Variants in IMMT observed in about 807,000 individuals in gnomAD.
The protein encoded by IMMT is MICOS complex subunit MIC60.
Under a neutral mutation model 92.7 loss-of-function variants are expected in IMMT, and 40 were observed. The observed-to-expected ratio is 0.43, with a 90% CI of 0.34 to 0.56. The LOEUF is 0.56. Among genes scored for constraint, IMMT ranks in the 20% least tolerant of loss-of-function variants. IMMT has a pLI of 0.03. For missense variants in IMMT, 831 were observed against 912.1 expected (o/e 0.91, Z 1.14); for synonymous variants, 322 against 336.1 (o/e 0.96, Z 0.46).
At chr2:86,188,888 G>A (rs1233936034) in intron 1 of IMMT, among the ~76,000 whole-genome samples, 1 of 152,038 alleles carries the variant, frequency 6.6e-6, no homozygotes, top group Non-Finnish European at 1.5e-5. Flanking sequence ...TCCCTCTGAT[G>A]CACAAAAATT....
At chr2:86,178,155 A>C (rs1677562398) in intron 3 of IMMT, among the ~76,000 whole-genome samples, 1 of 151,806 alleles carries the variant, frequency 6.6e-6, no homozygotes, top group South Asian at 2.1e-4. Context: ...CTCTACTAAA[A>C]AAAATACAAA....
chr2:86,165,082 G>C (rs1165356588), intron 7 of IMMT, among the ~76,000 whole-genome samples: 1 of 152,160 alleles, frequency 6.6e-6, no homozygotes, highest in East Asian at 1.9e-4. Flanking sequence ...TCTGTTAACT[G>C]CTACCATTAG....
chr2:86,144,481 A>C lies in IMMT; in HGVS notation c.2064T>G (p.Phe688Leu). 6.2e-7 allele frequency: 1 copy of C among 1,613,976 alleles called. No homozygotes were observed. The highest frequency in any genetic ancestry group is 8.5e-7 in the Non-Finnish European group (1 of 1,179,894). Residue 688 changes from phenylalanine (F) to leucine (L), a missense_variant, in exon 15 of 15, where the codon TTT (phenylalanine) becomes TTG (leucine). Phe to Leu is a conservative substitution (Grantham distance 22). Transcript: ENST00000410111. ...AATAGGAAGCATATGACAGTAATTT[A>C]AATGTGTTTATATCCTCAGGGCAGA... ...PELCPEDINT[F>L]KLLSYASYCI...
chr2:86,147,137 A>G (rs942204087), intron 13 of IMMT, among the ~76,000 whole-genome samples: 2 of 152,192 alleles, frequency 1.3e-5, no homozygotes, highest in South Asian at 2.1e-4. Context: ...TTATATTCTA[A>G]TATCTTGTAT....
intron 1 of IMMT, among the ~76,000 whole-genome samples, chr2:86,194,278 C>G (rs1673377008): frequency 6.6e-6 from 1 of 152,230 alleles, no homozygotes; most frequent in Non-Finnish European, 1.5e-5. Flanking sequence ...ATCATCCGTG[C>G]CCAGACTTCT....
In IMMT at chr2:86,161,599, C is replaced by T. The variant is rs190289962; in HGVS notation, c.896+377G>A. 4.6e-5 allele frequency among the ~76,000 whole-genome samples: 7 copies of T among 150,964 alleles called. No individual in the cohort carries two copies. In the East Asian group the frequency reaches 1.4e-3, roughly 29 times the overall value. Reference sequence around the variant, plus strand: ...CATCATCTCGGCTCACTGCAACCTCCGCCTCCTGGGTTGAGGTGATTCTCC... The same window carrying T: ...CATCATCTCGGCTCACTGCAACCTCTGCCTCCTGGGTTGAGGTGATTCTCC... On this transcript the variant is annotated intron_variant, in intron 8 of 14. Transcript: ENST00000410111.
chr2:86,165,834 A>C (rs1300451893), intron 7 of IMMT, among the ~76,000 whole-genome samples: 1 of 152,228 alleles, frequency 6.6e-6, no homozygotes, highest in African/African-American at 2.4e-5. Flanking sequence ...ACTGCATGTG[A>C]AGTTTGAGAA....
chr2:86,157,456 A>G (rs1675928804), intron 10 of IMMT, among the ~76,000 whole-genome samples: 2 of 152,132 alleles, frequency 1.3e-5, no homozygotes, highest in South Asian at 4.1e-4. Flanking sequence ...GGCCTACAAC[A>G]TGAGAAGTCT....
At chr2:86,156,019 T>C (rs1290802325) in intron 10 of IMMT, among the ~76,000 whole-genome samples, 1 of 152,272 alleles carries the variant, frequency 6.6e-6, no homozygotes, top group East Asian at 1.9e-4. Context: ...AGAAACAATA[T>C]AGATTGCTTC....
chr2:86,162,568 G>A (rs553382407), intron 7 of IMMT, among the ~76,000 whole-genome samples: 45 of 152,034 alleles, frequency 3.0e-4, no homozygotes, highest in African/African-American at 9.2e-4. Context: ...AGTTTTGGCC[G>A]GGCGCAGTGG....
intron 1 of IMMT, among the ~76,000 whole-genome samples, chr2:86,182,386 T>C (rs1286892141): frequency 6.6e-6 from 1 of 152,170 alleles, no homozygotes; most frequent in Non-Finnish European, 1.5e-5. Context: ...CACATGATCA[T>C]AGGACACATG....
Position 86,144,734 on chromosome 2 carries a change from G to C in IMMT, c.1811C>G (p.Ser604Cys), listed in dbSNP as rs752473406. ...SAVEAIKANC[S>C]DNEFTQALTA... ...TAAAGCTTGGGTGAATTCATTATCAGAACAGTTGGCTTTGATGGCCTCAAC... is the reference window on the plus strand; with the variant it reads ...TAAAGCTTGGGTGAATTCATTATCACAACAGTTGGCTTTGATGGCCTCAAC... Residue 604 changes from serine (S) to cysteine (C), a missense_variant, in exon 15 of 15, where the codon TCT (serine) becomes TGT (cysteine). Ser to Cys is a moderately radical substitution (Grantham distance 112). Transcript: ENST00000410111. The C allele has an allele frequency of 1.3e-5, 21 of 1,613,814 alleles. No homozygotes were observed. The highest frequency in any genetic ancestry group is 3.3e-5 in the South Asian group (3 of 91,086).
rs147295863 is a variant in IMMT, at chr2:86,160,527, A to G, written c.897-856T>C. 2.4e-3 allele frequency among the ~76,000 whole-genome samples: 366 copies of G among 152,360 alleles called. 3 individuals are homozygous for G. The highest frequency in any genetic ancestry group is 8.4e-3 in the African/African-American group (349 of 41,582). ...CAGAACTCAAAGTGATATGAGCATA[A>G]TGCCTTAAATCTCCTAAAAGATATG... On this transcript the variant is annotated intron_variant, in intron 8 of 14. Coordinates refer to ENST00000410111, the MANE Select transcript of IMMT (RefSeq NM_006839.3).
chr2:86,161,714 C>T (rs1676292218), intron 8 of IMMT, among the ~76,000 whole-genome samples: 1 of 151,868 alleles, frequency 6.6e-6, no homozygotes, highest in Admixed American at 6.6e-5. Context: ...CGGGGTTTCA[C>T]CATGTTGGCC....
rs1015201283 is a variant in IMMT, at chr2:86,189,200, T to C, written c.45+6138A>G. ...CTGCTTCTAACCCGCAGAAACGTGA[T>C]ATTAAAAAAAAGAGGAAACATATAA... is the stretch of plus-strand genomic sequence containing the variant. On this transcript the variant is annotated intron_variant, in intron 1 of 14. Coordinates refer to ENST00000410111, the MANE Select transcript of IMMT (RefSeq NM_006839.3). 1.3e-4 allele frequency among the ~76,000 whole-genome samples: 19 copies of C among 151,988 alleles called. No homozygotes were observed. In the East Asian group the frequency reaches 3.5e-3, roughly 28 times the overall value.
chr2:86,151,467 G>A lies in IMMT; in HGVS notation c.1231C>T (p.Arg411Cys), dbSNP rs1675464552. The change falls in exon 12 of 15, where the codon CGT becomes TGT. Residue 411 changes from arginine to cysteine, a missense_variant. Physicochemically the swap from Arg to Cys is radical, Grantham distance 180. Transcript: ENST00000410111. The part of the protein sequence containing the change: ...LNSLIAHAHR[R>C]IDQLNRELAE... ...AGCTCTCTGTTCAGCTGATCAATAC[G>A]ACGATGTGCATGAGCAATGAGGGAG... 1.2e-6 allele frequency: 2 copies of A among 1,613,950 alleles called. No individual in the cohort carries two copies. Among genetic ancestry groups the A allele is most frequent in the South Asian group, 1.1e-5 (1 of 91,082 alleles).
At chr2:86,184,328 T>C (rs1672615795) in intron 1 of IMMT, among the ~76,000 whole-genome samples, 1 of 152,036 alleles carries the variant, frequency 6.6e-6, no homozygotes. Context: ...ATGCCCACCA[T>C]ACCCAGCTAA....
rs754307559 is a variant in IMMT, at chr2:86,144,593, G to C, written c.1952C>G (p.Thr651Ser). The change falls in exon 15 of 15, where the codon ACC becomes AGC. Residue 651 changes from threonine to serine, a missense_variant. Transcript: ENST00000410111. ...GAAGTACTGGTACAAGCTATTTCTG[G>C]TTTCATCAATCATTGCTACCCTTCG... is the stretch of plus-strand genomic sequence containing the variant. ...LARRVAMIDETRNSLYQYFLS... is the reference protein window; with the variant it reads ...LARRVAMIDESRNSLYQYFLS... 3 of 1,614,008 alleles carry C rather than the reference G, an allele frequency of 1.9e-6. No homozygotes were observed. The highest frequency in any genetic ancestry group is 2.2e-5 in the South Asian group (2 of 91,078).
chr2:86,181,607 AC>A (rs1672439469), intron 1 of IMMT, among the ~76,000 whole-genome samples: 1 of 152,132 alleles, frequency 6.6e-6, no homozygotes, highest in South Asian at 2.1e-4. Flanking sequence ...AAATTATCAG[AC>A]TATGATCAAT....
Sources: gnomAD v4.1 joint callset for allele counts (sites outside exome capture counted in the v4.1 genomes callset) on GRCh38, gnomAD v4.1.1 for gene constraint, MANE v1.5 for transcripts, NCBI Gene and HGNC (gene_info 2026-07-23, HGNC 2026-07-21) for gene names.